HPSE2: variants seen among roughly 807,000 people sequenced by gnomAD.
The protein encoded by HPSE2 is inactive heparanase-2.
HPSE2 carries 38 observed loss-of-function variants against 60.5 expected under a neutral mutation model. The ratio of observed to expected loss-of-function variants is 0.63; its 90% CI spans 0.48 to 0.82. HPSE2 has a LOEUF of 0.82. Ranked by LOEUF, HPSE2 falls within the 40% of genes least tolerant of loss-of-function variation. HPSE2 has a pLI of 0.00. For missense variants in HPSE2, 713 were observed against 740.4 expected (o/e 0.96, Z 0.43); for synonymous variants, 295 against 293.2 (o/e 1.01, Z -0.06).
chr10:98,884,484 G>C (rs1197943522), intron 3 of HPSE2, among the ~76,000 whole-genome samples: 1 of 152,104 alleles, frequency 6.6e-6, no homozygotes, highest in Non-Finnish European at 1.5e-5. Flanking sequence ...CTCGTTAGGG[G>C]CTAATGCAGC....
intron 3 of HPSE2, among the ~76,000 whole-genome samples, chr10:99,085,717 G>C (rs1259120679): frequency 1.3e-5 from 2 of 152,156 alleles, no homozygotes; most frequent in Admixed American, 1.3e-4. Flanking sequence ...ATCCTGTTAT[G>C]GACTGAGATT....
At chr10:99,057,162 T>C (rs571209991) in intron 3 of HPSE2, among the ~76,000 whole-genome samples, 7 of 152,274 alleles carry the variant, frequency 4.6e-5, no homozygotes, top group African/African-American at 1.7e-4. Flanking sequence ...ACTAATCAAA[T>C]TGTACATGTA....
chr10:99,222,138 A>C (rs115991132), intron 2 of HPSE2, among the ~76,000 whole-genome samples: 102 of 151,880 alleles, frequency 6.7e-4, no homozygotes, highest in African/African-American at 2.4e-3. Flanking sequence ...CCTCTAGGGG[A>C]AAGGCCTTTG....
intron 3 of HPSE2, among the ~76,000 whole-genome samples, chr10:99,083,370 C>G (rs1190923563): frequency 6.6e-6 from 1 of 152,014 alleles, no homozygotes; most frequent in African/African-American, 2.4e-5. Flanking sequence ...GGATTTCTGC[C>G]CAAAGGAAAA....
chr10:99,155,972 C>G (rs2135816402), intron 2 of HPSE2, among the ~76,000 whole-genome samples: 1 of 151,668 alleles, frequency 6.6e-6, no homozygotes, highest in Non-Finnish European at 1.5e-5. Context: ...CTATAAACAC[C>G]TCTACGCAAA....
intron 3 of HPSE2, among the ~76,000 whole-genome samples, chr10:99,117,770 C>G (rs1468354519): frequency 6.6e-6 from 1 of 152,026 alleles, no homozygotes; most frequent in Non-Finnish European, 1.5e-5. Flanking sequence ...GATTCACAGT[C>G]GAATTCTACC....
intron 5 of HPSE2, among the ~76,000 whole-genome samples, chr10:98,708,455 C>CAA (rs35950365): frequency 8.4e-5 from 10 of 119,678 alleles, no homozygotes; most frequent in Admixed American, 3.3e-4. Flanking sequence ...GACTACGTCT[C>CAA]AAAAAAAAAA....
the HPSE2 span, among the ~76,000 whole-genome samples, chr10:99,267,500 C>A: frequency 2.0e-5 from 3 of 152,110 alleles, no homozygotes; most frequent in Non-Finnish European, 4.4e-5. Flanking sequence ...AACGACCAAA[C>A]CTGCCGGGCA....
chr10:99,189,934 C>G (rs1848161724), intron 2 of HPSE2, among the ~76,000 whole-genome samples: 1 of 152,158 alleles, frequency 6.6e-6, no homozygotes, highest in Admixed American at 6.5e-5. Flanking sequence ...CTGCTTTGGC[C>G]AGCTTTGGAA....
intron 3 of HPSE2, among the ~76,000 whole-genome samples, chr10:99,071,037 T>C (rs562244893): frequency 1.3e-5 from 2 of 152,104 alleles, no homozygotes; most frequent in African/African-American, 2.4e-5. Context: ...GAAGTGGGAT[T>C]GCTAGATAAT....
intron 7 of HPSE2, among the ~76,000 whole-genome samples, chr10:98,634,046 C>T (rs1946432814): frequency 6.6e-6 from 1 of 152,180 alleles, no homozygotes; most frequent in Non-Finnish European, 1.5e-5. Context: ...AGATACTTTC[C>T]TACTATGTCT....
At chr10:99,086,377 G>A (rs957054705) in intron 3 of HPSE2, among the ~76,000 whole-genome samples, 2 of 128,384 alleles carry the variant, frequency 1.6e-5, no homozygotes, top group African/African-American at 2.9e-5. Flanking sequence ...TTTTGAGACG[G>A]AGTCTCGCTC....
intron 9 of HPSE2, among the ~76,000 whole-genome samples, chr10:98,558,486 T>C (rs1944078500): frequency 6.6e-6 from 1 of 152,216 alleles, no homozygotes; most frequent in South Asian, 2.1e-4. Context: ...ACAAATATAA[T>C]GTTGAGCGAA....
chr10:99,082,554 C>T (rs757548380), intron 3 of HPSE2, among the ~76,000 whole-genome samples: 16 of 152,070 alleles, frequency 1.1e-4, no homozygotes, highest in Non-Finnish European at 2.1e-4. Flanking sequence ...CCTTATATAC[C>T]CAGCCTCAGC....
chr10:99,221,192 A>AT (rs2133930375), intron 2 of HPSE2, among the ~76,000 whole-genome samples: 1 of 152,284 alleles, frequency 6.6e-6, no homozygotes, highest in East Asian at 1.9e-4. Context: ...GAGAGTATTC[A>AT]TGTGCATGCA....
intron 3 of HPSE2, among the ~76,000 whole-genome samples, chr10:99,096,623 T>A (rs909741886): frequency 1.3e-5 from 2 of 152,190 alleles, no homozygotes; most frequent in African/African-American, 4.8e-5. Context: ...GGATAATCCA[T>A]ATCATTGGAC....
chr10:98,489,854 T>G lies in HPSE2; in HGVS notation c.1466+197A>C, dbSNP rs980955544. On this transcript the variant is annotated intron_variant, in intron 10 of 11. Transcript: ENST00000370552. ...CCTTTTATGATTAATCCTCTAAGTA[T>G]GAGAAGGGAGCGTTTACTTGGAGTA... Among the ~76,000 whole-genome samples, 10 of 152,222 alleles carry G rather than the reference T, an allele frequency of 6.6e-5. No individual in the cohort carries two copies. In the South Asian group the frequency reaches 2.1e-3, roughly 32 times the overall value.
In HPSE2 at chr10:98,887,975, CCTA is replaced by C. The variant is rs202219030; in HGVS notation, c.611-143922_611-143920del. On this transcript the variant is annotated intron_variant, in intron 3 of 11. Transcript: ENST00000370552. The stretch of plus-strand genomic sequence containing the variant: ...AAATTAAAGAAAAGAAAGAATAAGA[CCTA>C]CTATTAATATTTGATAGCACAATAA... 9.3e-3 allele frequency among the ~76,000 whole-genome samples: 1,411 copies of C among 151,078 alleles called. 16 individuals are homozygous for C. The highest frequency in any genetic ancestry group is 0.032 in the African/African-American group (1,324 of 41,242).
chr10:98,927,963 G>A, intron 3 of HPSE2, among the ~76,000 whole-genome samples: 1 of 145,808 alleles, frequency 6.9e-6, no homozygotes, highest in Admixed American at 6.8e-5. Flanking sequence ...AAAAGCAATG[G>A]CAACAAAAGC....
Sources: allele counts gnomAD v4.1 joint callset (sites outside exome capture counted in the v4.1 genomes callset), GRCh38; gene constraint gnomAD v4.1.1; transcripts MANE v1.5; gene names NCBI Gene and HGNC (gene_info 2026-07-23, HGNC 2026-07-21).